Variants in PSD3 observed in about 807,000 individuals in gnomAD.
PSD3 encodes pleckstrin and Sec7 domain containing 3, also known as PH and SEC7 domain-containing protein 3.
PSD3 carries 49 observed loss-of-function variants against 105.5 expected under a neutral mutation model. The ratio of observed to expected loss-of-function variants is 0.46; its 90% CI spans 0.37 to 0.59. PSD3 has a LOEUF of 0.59. Among genes scored for constraint, PSD3 ranks in the 20% least tolerant of loss-of-function variants. The pLI, the probability that PSD3 is intolerant of heterozygous loss-of-function variation, is 0.00. For synonymous variants in PSD3, 557 were observed against 457.8 expected, an observed-to-expected ratio of 1.22 and a Z score of -2.77; for missense variants, 1,561 against 1,263.8, an observed-to-expected ratio of 1.24 and a Z score of -3.57.
chr8:18,832,308 T>C (rs551460921), intron 4 of PSD3, among the ~76,000 whole-genome samples: 3 of 152,286 alleles, frequency 2.0e-5, no homozygotes, highest in South Asian at 2.1e-4. Flanking sequence ...GTCATCTATG[T>C]ATAAAACTGC....
intron 4 of PSD3, among the ~76,000 whole-genome samples, chr8:18,807,754 C>T (rs556585177): frequency 2.5e-4 from 38 of 152,160 alleles, no homozygotes; most frequent in Non-Finnish European, 5.6e-4. Flanking sequence ...GATAAAATCT[C>T]CATGAAAATA....
intron 15 of PSD3, among the ~76,000 whole-genome samples, chr8:18,549,157 C>T (rs1800616476): frequency 1.4e-5 from 2 of 146,490 alleles, no homozygotes; most frequent in African/African-American, 5.0e-5. Context: ...TTCTTATACT[C>T]ATTATTCTGT....
chr8:18,754,376 T>C (rs1805856171), intron 9 of PSD3, among the ~76,000 whole-genome samples: 1 of 152,132 alleles, frequency 6.6e-6, no homozygotes. Context: ...AGGGTGAGAC[T>C]CCATCTCAAA....
intron 15 of PSD3, among the ~76,000 whole-genome samples, chr8:18,536,559 C>T (rs534946190): frequency 6.0e-4 from 91 of 152,274 alleles, no homozygotes; most frequent in Admixed American, 4.2e-3. Flanking sequence ...CCCACTTCTC[C>T]GGTTATTATG....
chr8:18,565,989 G>C (rs1373737847), intron 14 of PSD3, among the ~76,000 whole-genome samples: 2 of 152,056 alleles, frequency 1.3e-5, no homozygotes, highest in African/African-American at 4.8e-5. Flanking sequence ...TGCTGCGCTC[G>C]AATATGCCTG....
chr8:18,836,338 G>T (rs981481178), intron 4 of PSD3, among the ~76,000 whole-genome samples: 1 of 152,014 alleles, frequency 6.6e-6, no homozygotes, highest in Non-Finnish European at 1.5e-5. Context: ...ACATACTTTC[G>T]GAATCAGTTA....
intron 1 of PSD3, among the ~76,000 whole-genome samples, chr8:18,995,752 T>A (rs1405912749): frequency 6.6e-6 from 1 of 151,946 alleles, no homozygotes; most frequent in African/African-American, 2.4e-5. Flanking sequence ...CAAGAGAGCA[T>A]GTGCAGGGGA....
At chr8:18,907,855 T>C (rs1819948961) in intron 2 of PSD3, among the ~76,000 whole-genome samples, 1 of 152,238 alleles carries the variant, frequency 6.6e-6, no homozygotes, top group Non-Finnish European at 1.5e-5. Flanking sequence ...TTTCCTTTCA[T>C]TTAAACTTTT....
At chr8:18,553,964 G>A (rs1393470679) in intron 15 of PSD3, among the ~76,000 whole-genome samples, 3 of 152,106 alleles carry the variant, frequency 2.0e-5, no homozygotes, top group Non-Finnish European at 4.4e-5. Flanking sequence ...GCTCGCTGAG[G>A]TGACGATTTG....
chr8:18,710,318 A>G (rs1337041993), intron 9 of PSD3, among the ~76,000 whole-genome samples: 2 of 152,186 alleles, frequency 1.3e-5, no homozygotes, highest in African/African-American at 4.8e-5. Context: ...AGGAATGAAC[A>G]AAACCTTCGA....
At chr8:18,821,722 A>T (rs1193080509) in intron 4 of PSD3, among the ~76,000 whole-genome samples, 1 of 18,946 alleles carries the variant, frequency 5.3e-5, no homozygotes, top group Non-Finnish European at 1.9e-4. Context: ...CACACACCCC[A>T]ATAACAAAGC....
At chr8:18,645,653 T>C (rs1039328667) in intron 10 of PSD3, among the ~76,000 whole-genome samples, 1 of 152,196 alleles carries the variant, frequency 6.6e-6, no homozygotes, top group African/African-American at 2.4e-5. Context: ...TGACACAGTA[T>C]CTGCCATGTT....
intron 9 of PSD3, among the ~76,000 whole-genome samples, chr8:18,698,270 A>G (rs190160137): frequency 9.2e-5 from 14 of 152,240 alleles, no homozygotes; most frequent in African/African-American, 3.4e-4. Context: ...ACCTAGTTTT[A>G]ACATTTTTTA....
chr8:18,595,083 A>G (rs1803988820), intron 12 of PSD3, among the ~76,000 whole-genome samples: 1 of 152,072 alleles, frequency 6.6e-6, no homozygotes, highest in Non-Finnish European at 1.5e-5. Context: ...AATATACATT[A>G]GTGGGAACAG....
chr8:19,043,224 T>C (rs1828186103), intron 1 of PSD3, among the ~76,000 whole-genome samples: 1 of 152,164 alleles, frequency 6.6e-6, no homozygotes, highest in African/African-American at 2.4e-5. Context: ...CCAAAATGGC[T>C]GTGGTAAAAA....
intron 1 of PSD3, among the ~76,000 whole-genome samples, chr8:18,973,890 G>C (rs1337314934): frequency 1.3e-5 from 2 of 152,144 alleles, no homozygotes; most frequent in Non-Finnish European, 2.9e-5. Context: ...TCCATTCTGA[G>C]GTCGATACTG....
At chr8:18,808,702 A>G in intron 4 of PSD3, 1 of 1,611,646 alleles carries the variant, frequency 6.2e-7, no homozygotes, top group Non-Finnish European at 8.5e-7. Context: ...AAGAACCGGA[A>G]TTGCTCCTTT....
intron 4 of PSD3, among the ~76,000 whole-genome samples, chr8:18,823,773 AACACACTCACACAC>A (rs1442865476): frequency 7.3e-4 from 99 of 134,810 alleles, no homozygotes; most frequent in Middle Eastern, 7.5e-3. Flanking sequence ...CTTTATCTTA[AACACACTCACACAC>A]ACACACACAC....
intron 15 of PSD3, among the ~76,000 whole-genome samples, chr8:18,550,529 T>C (rs910870064): frequency 6.6e-6 from 1 of 152,150 alleles, no homozygotes; most frequent in African/African-American, 2.4e-5. Flanking sequence ...ATATCGTAAG[T>C]CAAAAATATA....
Sources: gnomAD v4.1 joint callset for allele counts (sites outside exome capture counted in the v4.1 genomes callset) on GRCh38, gnomAD v4.1.1 for gene constraint, MANE v1.5 for transcripts, NCBI Gene and HGNC (gene_info 2026-07-23, HGNC 2026-07-21) for gene names.